CSMD1: variants seen among roughly 807,000 people sequenced by gnomAD.
The protein encoded by CSMD1 is CUB and sushi domain-containing protein 1.
In CSMD1, 213 loss-of-function variants were observed where a neutral mutation model predicts 417.5. The observed-to-expected ratio is 0.51, with a 90% confidence interval of 0.46 to 0.57. CSMD1 has a LOEUF of 0.57. Ranked by LOEUF, CSMD1 falls within the 20% of genes least tolerant of loss-of-function variation. The probability of loss-of-function intolerance (pLI) is 0.00; values close to 1 mark genes in which losing one functional copy is unlikely to be tolerated. For missense variants in CSMD1, 6,923 were observed against 4,529.7 expected (o/e 1.53, Z -15.17); for synonymous variants, 2,862 against 1,736.8 (o/e 1.65, Z -16.11).
intron 1 of CSMD1, among the ~76,000 whole-genome samples, chr8:4,783,910 G>C (rs1018597444): frequency 6.6e-6 from 1 of 152,128 alleles, no homozygotes; most frequent in African/African-American, 2.4e-5. Flanking sequence ...CACTGAATTT[G>C]ACCGTGAATA....
In CSMD1 at chr8:2,974,591, T is replaced by A; in HGVS notation, c.8600A>T (p.Asn2867Ile). The change falls in exon 56 of 70, where the codon AAC (asparagine) becomes ATC (isoleucine). Residue 2867 changes from asparagine (N) to isoleucine (I), a missense_variant. Coordinates refer to ENST00000635120, the MANE Select transcript of CSMD1 (RefSeq NM_033225.6). ...ISCGHPGVPANAVLTGELFTY... is the reference protein window; with the variant it reads ...ISCGHPGVPAIAVLTGELFTY... ...AAACAGCTCTCCAGTGAGGACGGCG[T>A]TGGCAGGGACCCCTGGGTGTCCACA... 6.2e-7 allele frequency: 1 copy of A among 1,611,198 alleles called. No homozygotes were observed. The highest frequency in any genetic ancestry group is 8.5e-7 in the Non-Finnish European group (1 of 1,178,600).
At chr8:3,155,513 G>A (rs1337004512) in intron 39 of CSMD1, among the ~76,000 whole-genome samples, 1 of 151,144 alleles carries the variant, frequency 6.6e-6, no homozygotes, top group East Asian at 1.9e-4. Context: ...GACTACAGAT[G>A]GTCGCCACCA....
At chr8:3,708,135 G>A (rs906741933) in intron 7 of CSMD1, among the ~76,000 whole-genome samples, 6 of 152,234 alleles carry the variant, frequency 3.9e-5, no homozygotes, top group South Asian at 2.1e-4. Flanking sequence ...ATGACTGACC[G>A]TGTCACATAT....
In CSMD1 at chr8:3,626,475, G is replaced by C. The variant is rs531779084; in HGVS notation, c.1010-9678C>G. ...GAAAGAAATGGGAAAAAGTCTTAAA[G>C]TCGTTATATATTTTAGAAACATATA... On this transcript the variant is annotated intron_variant, in intron 7 of 69. Transcript: ENST00000635120. 4.6e-5 allele frequency among the ~76,000 whole-genome samples: 7 copies of C among 152,176 alleles called. No homozygotes were observed. In the South Asian group the frequency reaches 8.3e-4, roughly 18 times the overall value.
chr8:4,428,974 A>C (rs1455126419), intron 2 of CSMD1, among the ~76,000 whole-genome samples: 1 of 152,032 alleles, frequency 6.6e-6, no homozygotes. Context: ...TCATCCTCCC[A>C]AAGTGCTGGG....
At chr8:4,150,524 C>G (rs1208624451) in intron 3 of CSMD1, among the ~76,000 whole-genome samples, 1 of 152,182 alleles carries the variant, frequency 6.6e-6, no homozygotes, top group Non-Finnish European at 1.5e-5. Flanking sequence ...ATTTCTCTTT[C>G]TGTTCTTCCA....
chr8:4,467,526 TCTTTA>T (rs2130012984), intron 2 of CSMD1, among the ~76,000 whole-genome samples: 1 of 152,346 alleles, frequency 6.6e-6, no homozygotes, highest in East Asian at 1.9e-4. Flanking sequence ...ACAACTTTTT[TCTTTA>T]CTTAGCACAT....
chr8:4,965,597 G>A (rs931888375), intron 1 of CSMD1, among the ~76,000 whole-genome samples: 7 of 152,258 alleles, frequency 4.6e-5, no homozygotes, highest in African/African-American at 1.7e-4. Context: ...TGAAAGAACT[G>A]GGTTTGTCCC....
chr8:3,351,292 C>T (rs945073035), intron 21 of CSMD1, among the ~76,000 whole-genome samples: 1 of 151,704 alleles, frequency 6.6e-6, no homozygotes, highest in Non-Finnish European at 1.5e-5. Flanking sequence ...GGCATTTTCC[C>T]CAAAAGTATT....
At chr8:3,436,660 G>A (rs1248944368) in intron 12 of CSMD1, among the ~76,000 whole-genome samples, 1 of 152,048 alleles carries the variant, frequency 6.6e-6, no homozygotes, top group African/African-American at 2.4e-5. Context: ...AACAAGAAAA[G>A]TGTGAGTCTT....
At chr8:4,173,872 G>A (rs1485159840) in intron 3 of CSMD1, among the ~76,000 whole-genome samples, 1 of 152,142 alleles carries the variant, frequency 6.6e-6, no homozygotes, top group African/African-American at 2.4e-5. Context: ...TTCTCTCCGG[G>A]TTTGAAGTGG....
chr8:4,214,834 TA>T (rs890355091), intron 3 of CSMD1, among the ~76,000 whole-genome samples: 30 of 152,136 alleles, frequency 2.0e-4, no homozygotes, highest in African/African-American at 7.2e-4. Context: ...AAATTTGAAA[TA>T]AAAAAACTAT....
chr8:3,310,502 A>G (rs926580794), intron 23 of CSMD1, among the ~76,000 whole-genome samples: 3 of 152,250 alleles, frequency 2.0e-5, no homozygotes, highest in African/African-American at 7.2e-5. Context: ...TATTAATAAC[A>G]AACAATCTTC....
chr8:3,819,964 C>T (rs560853389), intron 5 of CSMD1, among the ~76,000 whole-genome samples: 44 of 152,228 alleles, frequency 2.9e-4, no homozygotes, highest in South Asian at 8.3e-4. Context: ...CATCGTTTCC[C>T]GAATTGCTGT....
intron 3 of CSMD1, among the ~76,000 whole-genome samples, chr8:4,040,223 G>A (rs961428882): frequency 1.3e-5 from 2 of 152,180 alleles, no homozygotes; most frequent in Non-Finnish European, 2.9e-5. Context: ...TTTAGCAATA[G>A]TAATTCCACT....
At chr8:3,887,589 T>G (rs1354965424) in intron 5 of CSMD1, among the ~76,000 whole-genome samples, 1 of 152,168 alleles carries the variant, frequency 6.6e-6, no homozygotes, top group African/African-American at 2.4e-5. Flanking sequence ...CCAAGGAAAT[T>G]ATGTTTTAAA....
At position 3,954,512 on chromosome 8, in the gene CSMD1, A is replaced by G. The variant is rs1483267234; in HGVS notation, c.818+43391T>C. Among the ~76,000 whole-genome samples, 6 of 152,190 alleles carry G rather than the reference A, an allele frequency of 3.9e-5. No individual in the cohort carries two copies. The South Asian group carries it at 8.3e-4, about 21-fold the overall frequency. On this transcript the variant is annotated intron_variant, in intron 5 of 69. Transcript: ENST00000635120. ...TTCCTGAGTAGCTGGGATTACAGGC[A>G]CCCACCACCACTCCCAGATAATTTT...
At chr8:3,354,838 G>A (rs949316197) in intron 21 of CSMD1, among the ~76,000 whole-genome samples, 4 of 87,900 alleles carry the variant, frequency 4.6e-5, no homozygotes, top group Admixed American at 3.1e-4. Context: ...TACATATATA[G>A]ATACACTAAA....
intron 7 of CSMD1, among the ~76,000 whole-genome samples, chr8:3,685,632 G>T (rs557019407): frequency 1.3e-5 from 2 of 152,240 alleles, no homozygotes; most frequent in South Asian, 4.1e-4. Context: ...TCATTTCTTT[G>T]AGACTGTTTT....
Sources: gnomAD v4.1 joint callset for allele counts (sites outside exome capture counted in the v4.1 genomes callset) on GRCh38, gnomAD v4.1.1 for gene constraint, MANE v1.5 for transcripts, NCBI Gene and HGNC (gene_info 2026-07-23, HGNC 2026-07-21) for gene names.